ESR1: variants seen among roughly 807,000 people sequenced by gnomAD.
ESR1 encodes estrogen receptor.
Under a neutral mutation model 52.7 loss-of-function variants are expected in ESR1, and 12 were observed. The observed-to-expected ratio is 0.23, with a 90% CI of 0.15 to 0.37. The LOEUF is 0.37. Ranked by LOEUF, ESR1 falls within the 10% of genes least tolerant of loss-of-function variation. The probability of loss-of-function intolerance (pLI) is 1.00; values close to 1 mark genes in which losing one functional copy is unlikely to be tolerated. For synonymous variants in ESR1, 305 were observed against 316.8 expected (o/e 0.96, Z 0.39); for missense variants, 584 against 779.7 (o/e 0.75, Z 2.99).
At chr6:151,697,836 C>A (rs1779472584) in intron 1 of ESR1, among the ~76,000 whole-genome samples, 1 of 152,162 alleles carries the variant, frequency 6.6e-6, no homozygotes, top group South Asian at 2.1e-4. Context: ...TGGTGGCTTA[C>A]ACCTGTAATC....
chr6:151,777,792 C>T (rs115699091), intron 2 of ESR1, among the ~76,000 whole-genome samples: 13,214 of 151,710 alleles, frequency 0.087, 703 homozygotes, highest in African/African-American at 0.1. Context: ...AAATCCCAAC[C>T]CTACTAAAAA....
At chr6:151,848,078 C>A (rs1279978089) in intron 2 of ESR1, among the ~76,000 whole-genome samples, 1 of 92,656 alleles carries the variant, frequency 1.1e-5, no homozygotes, top group Non-Finnish European at 2.2e-5. Context: ...GGAACCAACC[C>A]AAATGTCCAA....
chr6:151,790,195 A>G (rs1196236481), intron 2 of ESR1, among the ~76,000 whole-genome samples: 1 of 152,154 alleles, frequency 6.6e-6, no homozygotes, highest in Non-Finnish European at 1.5e-5. Context: ...GCTGGATGCA[A>G]ACTGAACCTG....
intron 2 of ESR1, among the ~76,000 whole-genome samples, chr6:151,856,322 G>A (rs540108341): frequency 1.3e-5 from 2 of 152,250 alleles, no homozygotes; most frequent in African/African-American, 4.8e-5. Context: ...TATTAAGGTA[G>A]GCTTAGCTTA....
chr6:151,902,205 G>A (rs1038552137), intron 3 of ESR1, among the ~76,000 whole-genome samples: 1 of 152,054 alleles, frequency 6.6e-6, no homozygotes, highest in African/African-American at 2.4e-5. Flanking sequence ...ACAAAAAATA[G>A]GACCAAACTT....
intron 1 of ESR1, among the ~76,000 whole-genome samples, chr6:151,663,475 C>A (rs1355488962): frequency 1.3e-5 from 2 of 152,180 alleles, no homozygotes; most frequent in Non-Finnish European, 2.9e-5. Context: ...GGGCTGGCAC[C>A]TTTTGTTTCA....
intron 2 of ESR1, among the ~76,000 whole-genome samples, chr6:151,865,917 A>G (rs1789815476): frequency 6.6e-6 from 1 of 152,202 alleles, no homozygotes; most frequent in East Asian, 1.9e-4. Flanking sequence ...ACCCTTGAGA[A>G]ATGAGAACTC....
chr6:152,104,222 A>G (rs1164614075), downstream of ESR1, among the ~76,000 whole-genome samples: 1 of 152,080 alleles, frequency 6.6e-6, no homozygotes, highest in East Asian at 1.9e-4. Flanking sequence ...GGGTCTTCTC[A>G]TTGTTTGAGT....
chr6:151,658,776 G>A (rs949561970), intron 1 of ESR1, among the ~76,000 whole-genome samples: 1 of 152,166 alleles, frequency 6.6e-6, no homozygotes, highest in African/African-American at 2.4e-5. Context: ...CCACACACCT[G>A]AGGGAAGAGA....
At chr6:151,788,942 G>A (rs1260702963) in intron 2 of ESR1, among the ~76,000 whole-genome samples, 6 of 152,134 alleles carry the variant, frequency 3.9e-5, no homozygotes, top group African/African-American at 1.4e-4. Context: ...ACAGACACTG[G>A]GGCCTATCAG....
intron 1 of ESR1, among the ~76,000 whole-genome samples, chr6:151,816,727 C>A (rs1372854535): frequency 6.6e-6 from 1 of 151,878 alleles, no homozygotes; most frequent in Non-Finnish European, 1.5e-5. Context: ...GCTACAAAAA[C>A]AAAACAAAAC....
chr6:151,711,983 C>T (rs549662223), intron 2 of ESR1, among the ~76,000 whole-genome samples: 15 of 152,174 alleles, frequency 9.9e-5, no homozygotes, highest in African/African-American at 3.4e-4. Flanking sequence ...GGTTTCGGGT[C>T]TTACATTTAA....
intron 6 of ESR1, among the ~76,000 whole-genome samples, chr6:152,077,564 C>T (rs531451950): frequency 3.9e-5 from 6 of 152,336 alleles, no homozygotes; most frequent in South Asian, 4.1e-4. Context: ...AGACACTCAA[C>T]GCCAGCCTGT....
chr6:151,801,934 A>G (rs1295902220), upstream of ESR1, among the ~76,000 whole-genome samples: 2 of 152,238 alleles, frequency 1.3e-5, no homozygotes, highest in East Asian at 3.9e-4. Flanking sequence ...CATAGAGATC[A>G]TAGATTTATT....
chr6:152,119,142 G>A (rs1428175708), intron 6 of ESR1, among the ~76,000 whole-genome samples: 2 of 152,146 alleles, frequency 1.3e-5, no homozygotes, highest in African/African-American at 4.8e-5. Context: ...TTTGCTTTAC[G>A]ATCTTTTATG....
At position 152,014,197 on chromosome 6, in the gene ESR1, T is replaced by TA. The variant is rs2042991297; in HGVS notation, c.1235+2406dup. Among the ~76,000 whole-genome samples, 3 of 152,164 alleles carry TA rather than the reference T, an allele frequency of 2.0e-5. No individual in the cohort carries two copies. The South Asian group carries it at 6.2e-4, about 31-fold the overall frequency. ...TGAGTCCATTAAACCTTTTTCTTTG[T>TA]AAATTACCCAGTCTCAGGTAGGTCT... On this transcript the variant is annotated intron_variant, in intron 5 of 7. Coordinates refer to ENST00000206249, the MANE Select transcript of ESR1 (RefSeq NM_000125.4).
At chr6:151,663,981 T>C (rs1777731979) in intron 1 of ESR1, among the ~76,000 whole-genome samples, 1 of 152,198 alleles carries the variant, frequency 6.6e-6, no homozygotes, top group Non-Finnish European at 1.5e-5. Flanking sequence ...CCCCGGACTC[T>C]GTTGTTTAAA....
chr6:152,078,729 T>C (rs2747646), intron 6 of ESR1, among the ~76,000 whole-genome samples: 66,830 of 152,084 alleles, frequency 0.44, 16,469 homozygotes, highest in African/African-American at 0.66. Flanking sequence ...CAAGGGAAGC[T>C]GTGACAGACT....
chr6:151,773,913 G>A (rs1785730540), intron 2 of ESR1, among the ~76,000 whole-genome samples: 1 of 152,132 alleles, frequency 6.6e-6, no homozygotes, highest in East Asian at 1.9e-4. Context: ...GCAATGTTAT[G>A]GTGTTCGGTG....
Sources: gnomAD v4.1 joint callset for allele counts (sites outside exome capture counted in the v4.1 genomes callset) on GRCh38, gnomAD v4.1.1 for gene constraint, MANE v1.5 for transcripts, NCBI Gene and HGNC (gene_info 2026-07-23, HGNC 2026-07-21) for gene names.